Variants in LCP2 observed in about 807,000 individuals in gnomAD.
LCP2 encodes 76 kDa tyrosine phosphoprotein.
A neutral mutation model predicts 74.5 loss-of-function variants in LCP2; 29 were observed. That is an observed-to-expected ratio of 0.39 (90% CI 0.29 to 0.53). The LOEUF (loss-of-function observed/expected upper bound fraction) is 0.53, where lower values mean the gene tolerates loss of function less well. LCP2 is among the 20% of genes least tolerant of loss of function. The pLI is 0.72. For missense variants in LCP2, 604 were observed against 634.6 expected (o/e 0.95, Z 0.52); for synonymous variants, 228 against 229.5 (o/e 0.99, Z 0.06).
chr5:170,267,539 C>T (rs975154774), intron 8 of LCP2, among the ~76,000 whole-genome samples: 71 of 152,220 alleles, frequency 4.7e-4, no homozygotes, highest in African/African-American at 1.6e-3. Flanking sequence ...TCTCCCGGCT[C>T]TTCCCACAAC....
chr5:170,283,164 G>T (rs1762131182), intron 3 of LCP2, among the ~76,000 whole-genome samples: 1 of 152,138 alleles, frequency 6.6e-6, no homozygotes, highest in African/African-American at 2.4e-5. Flanking sequence ...AGGCTTCACA[G>T]TCTTTCTAGG....
chr5:170,276,005 C>A, intron 3 of LCP2, 145 bp from the exon 4 acceptor site: 2 of 658,616 alleles, frequency 3.0e-6, no homozygotes, highest in South Asian at 1.8e-5. Context: ...TCTGCAGGGA[C>A]CCTCTGCTCT....
At chr5:170,262,414 T>C (rs1333135511) in intron 13 of LCP2, among the ~76,000 whole-genome samples, 1 of 152,236 alleles carries the variant, frequency 6.6e-6, no homozygotes, top group Admixed American at 6.5e-5. Context: ...CTTGATTAGA[T>C]GTCACTCTAC....
chr5:170,273,696 G>A (rs1362762261), intron 6 of LCP2: 1 of 154,138 alleles, frequency 6.5e-6, no homozygotes, highest in Non-Finnish European at 1.4e-5. Context: ...GGTGGTGACT[G>A]TGTATACAGG....
intron 10 of LCP2, 49 bp downstream of exon 10, chr5:170,266,750 GAAGCACTTT>G (rs1160757983): frequency 7.7e-6 from 11 of 1,423,438 alleles, no homozygotes; most frequent in Non-Finnish European, 8.9e-6. Context: ...ACGTATGCAG[GAAGCACTTT>G]ATAACAGCTT....
chr5:170,274,182 G>T (rs1288449860), intron 6 of LCP2, 119 bp downstream of exon 6: 11 of 1,053,220 alleles, frequency 1.0e-5, no homozygotes, highest in Non-Finnish European at 1.4e-5. Flanking sequence ...CTGGGCCCTG[G>T]GTGGGTGTGC....
chr5:170,280,549 C>T (rs1247064849), intron 3 of LCP2, among the ~76,000 whole-genome samples: 1 of 152,148 alleles, frequency 6.6e-6, no homozygotes, highest in Non-Finnish European at 1.5e-5. Flanking sequence ...CCTGAGGCCT[C>T]GGTCGAGAGT....
intron 1 of LCP2, among the ~76,000 whole-genome samples, chr5:170,297,087 A>G (rs1441646226): frequency 1.1e-4 from 16 of 152,294 alleles, no homozygotes; most frequent in Non-Finnish European, 7.4e-5. Flanking sequence ...AGCAGTTACA[A>G]CAGTTCTCTG....
At chr5:170,272,812 C>T (rs1269816560) in intron 6 of LCP2, among the ~76,000 whole-genome samples, 1 of 151,454 alleles carries the variant, frequency 6.6e-6, no homozygotes, top group Non-Finnish European at 1.5e-5. Context: ...TGGGGTTTCA[C>T]CATGTTGACC....
intron 8 of LCP2, chr5:170,267,342 A>C (rs1761784450): frequency 1.8e-6 from 1 of 549,918 alleles, no homozygotes; most frequent in South Asian, 2.2e-5. Context: ...ACAAAATTGA[A>C]ACTCGTTAAT....
chr5:170,291,996 G>A (rs1242804436), intron 2 of LCP2, among the ~76,000 whole-genome samples: 1 of 152,186 alleles, frequency 6.6e-6, no homozygotes, highest in East Asian at 1.9e-4. Context: ...AGTTCAATTA[G>A]TAGGTATGTG....
intron 2 of LCP2, among the ~76,000 whole-genome samples, chr5:170,292,679 G>A (rs1762311704): frequency 1.3e-5 from 2 of 152,178 alleles, no homozygotes; most frequent in African/African-American, 4.8e-5. Context: ...CTTAACCCAT[G>A]GGCAAAGGTG....
intron 3 of LCP2, among the ~76,000 whole-genome samples, chr5:170,278,350 G>T (rs1290031504): frequency 7.8e-5 from 4 of 51,220 alleles, no homozygotes; most frequent in Admixed American, 1.6e-4. Context: ...TGCAGGGGGG[G>T]GCTGGGGGGG....
At position 170,297,716 on chromosome 5, in the gene LCP2, C is replaced by A; in HGVS notation, c.-105G>T. On this transcript the variant is annotated 5_prime_UTR_variant, in exon 1 of 21. Transcript: ENST00000046794. ...GGAGGCGTTCTTGGCTCTTCCAACT[C>A]CCAGCTACCCTGTGGAACACCCCTG... 1.1e-6 allele frequency: 1 copy of A among 890,686 alleles called. No individual in the cohort carries two copies. The highest frequency in any genetic ancestry group is 1.7e-6 in the Non-Finnish European group (1 of 582,916). 55.2% of individuals were successfully genotyped at this position (890,686 alleles called of 1,614,324 possible).
chr5:170,293,193 A>C, intron 2 of LCP2, 117 bp downstream of exon 2: 1 of 1,027,686 alleles, frequency 9.7e-7, no homozygotes. Context: ...AATTTCTGGA[A>C]AAAGCAAAGG....
intron 7 of LCP2, among the ~76,000 whole-genome samples, chr5:170,269,418 G>C (rs1466885114): frequency 1.3e-5 from 2 of 152,166 alleles, no homozygotes; most frequent in Non-Finnish European, 2.9e-5. Context: ...CAGGGAAAAG[G>C]GTAGGAGCAA....
At chr5:170,252,371 G>A (rs1761463695) in intron 19 of LCP2, 63 bp downstream of exon 19, 1 of 937,374 alleles carries the variant, frequency 1.1e-6, no homozygotes. Context: ...ACTCAGGACA[G>A]GTCAGTTCCC....
rs1471245799 is a variant in LCP2, at chr5:170,246,363, G to C, written c.*2334C>G. 1 of 281,252 alleles carries C rather than the reference G, an allele frequency of 3.6e-6. No homozygotes were observed. Among genetic ancestry groups the C allele is most frequent in the Non-Finnish European group, 6.6e-6 (1 of 150,838 alleles). 17.4% of individuals were successfully genotyped at this position (281,252 alleles called of 1,614,324 possible). A position where few individuals can be genotyped will look rare whatever the true frequency, so the allele number is the denominator to read the frequency against. On this transcript the variant is annotated 3_prime_UTR_variant, in exon 21 of 21. Transcript: ENST00000046794. The stretch of plus-strand genomic sequence containing the variant: ...TTAGCTTATGCTTGAATTTGGCTCA[G>C]GTTGAAAGAGAGCTACTAAATTATT...
intron 3 of LCP2, among the ~76,000 whole-genome samples, chr5:170,281,388 TC>T (rs1165494639): frequency 6.6e-6 from 1 of 152,074 alleles, no homozygotes; most frequent in Non-Finnish European, 1.5e-5. Flanking sequence ...CACGCCATTC[TC>T]CTGCCTCAGC....
Sources: gnomAD v4.1 joint callset for allele counts (sites outside exome capture counted in the v4.1 genomes callset) on GRCh38, gnomAD v4.1.1 for gene constraint, MANE v1.5 for transcripts, NCBI Gene and HGNC (gene_info 2026-07-23, HGNC 2026-07-21) for gene names.